Variants in FANCC observed in about 807,000 individuals in gnomAD.
FANCC encodes the protein FA complementation group C, also known as Fanconi anemia group C protein.
In FANCC, 55 loss-of-function variants were observed where a neutral mutation model predicts 71.3. The observed-to-expected ratio is 0.77, with a 90% CI of 0.62 to 0.97. FANCC has a LOEUF of 0.97. FANCC is among the 50% of genes least tolerant of loss of function. The pLI is 0.00. For synonymous variants in FANCC, 275 were observed against 244.9 expected, an observed-to-expected ratio of 1.12 and a Z score of -1.15; for missense variants, 678 against 670.9, an observed-to-expected ratio of 1.01 and a Z score of -0.12.
At chr9:95,168,736 C>T (rs751171761) in intron 6 of FANCC, among the ~76,000 whole-genome samples, 4 of 152,134 alleles carry the variant, frequency 2.6e-5, no homozygotes, top group African/African-American at 4.8e-5. Context: ...GACATGTTGG[C>T]CAGGCTCGTC....
At chr9:95,266,343 T>C (rs1433178441) in intron 1 of FANCC, among the ~76,000 whole-genome samples, 1 of 152,184 alleles carries the variant, frequency 6.6e-6, no homozygotes, top group Non-Finnish European at 1.5e-5. Context: ...ATGCAGTCAT[T>C]GAAACTCACT....
intron 1 of FANCC, among the ~76,000 whole-genome samples, chr9:95,303,073 C>T (rs1011907506): frequency 1.4e-4 from 21 of 152,122 alleles, no homozygotes; most frequent in African/African-American, 4.8e-4. Flanking sequence ...ATCTAGAATA[C>T]GGTTGTACAG....
intron 4 of FANCC, among the ~76,000 whole-genome samples, chr9:95,225,231 T>A (rs962372491): frequency 1.3e-5 from 2 of 152,160 alleles, no homozygotes; most frequent in Non-Finnish European, 2.9e-5. Flanking sequence ...CATCCACACA[T>A]CCTCACTAGT....
At chr9:95,174,541 A>T (rs147731192) in intron 4 of FANCC, among the ~76,000 whole-genome samples, 1,674 of 151,256 alleles carry the variant, frequency 0.011, 31 homozygotes, top group African/African-American at 0.036. Flanking sequence ...ATATATATAT[A>T]TTTTTTTTCT....
chr9:95,146,279 G>A (rs139108858), intron 7 of FANCC, among the ~76,000 whole-genome samples: 3 of 151,994 alleles, frequency 2.0e-5, no homozygotes, highest in Non-Finnish European at 4.4e-5. Context: ...TTGAGCCCAG[G>A]AGTTCAAGAC....
intron 10 of FANCC, among the ~76,000 whole-genome samples, chr9:95,124,731 C>T (rs1825705899): frequency 6.6e-6 from 1 of 152,190 alleles, no homozygotes. Context: ...CCCCAGGGTG[C>T]CTCCTGCTGA....
Position 95,101,614 on chromosome 9 carries a change from C to A in FANCC, c.*93G>T. The A allele has an allele frequency of 6.6e-7, 1 of 1,514,978 alleles. No individual in the cohort carries two copies. Among genetic ancestry groups the A allele is most frequent in the Admixed American group, 1.7e-5 (1 of 57,698 alleles). 93.8% of individuals were successfully genotyped at this position (1,514,978 alleles called of 1,614,324 possible). A position where few individuals can be genotyped will look rare whatever the true frequency, so the allele number is the denominator to read the frequency against. ...TCTCACAGCCCAGCGAGGGCACTTA[C>A]TCCACAAATGCGTGGCCACAGGTCA... On this transcript the variant is annotated 3_prime_UTR_variant, in exon 15 of 15. Transcript: ENST00000289081.
chr9:95,308,253 T>C (rs1835178374), intron 1 of FANCC, among the ~76,000 whole-genome samples: 1 of 148,490 alleles, frequency 6.7e-6, no homozygotes, highest in Admixed American at 6.7e-5. Context: ...TTTTTTTTTC[T>C]TTTTTTTTTG....
intron 4 of FANCC, among the ~76,000 whole-genome samples, chr9:95,206,112 A>G (rs914142047): frequency 2.0e-5 from 3 of 152,230 alleles, no homozygotes; most frequent in Non-Finnish European, 4.4e-5. Context: ...AAAGCATCAT[A>G]TGTAAAAAGG....
intron 1 of FANCC, among the ~76,000 whole-genome samples, chr9:95,301,803 C>T (rs1344945603): frequency 6.6e-6 from 1 of 151,478 alleles, no homozygotes; most frequent in Non-Finnish European, 1.5e-5. Flanking sequence ...AAAGGCCTGG[C>T]GCGGTGGCTC....
intron 6 of FANCC, among the ~76,000 whole-genome samples, chr9:95,152,808 C>T (rs1830256432): frequency 6.6e-6 from 1 of 151,316 alleles, no homozygotes; most frequent in Non-Finnish European, 1.5e-5. Flanking sequence ...CCTTCTGAGT[C>T]TCTGAAGTCC....
At chr9:95,246,806 CA>C (rs1564792042) in intron 3 of FANCC, among the ~76,000 whole-genome samples, 1 of 152,172 alleles carries the variant, frequency 6.6e-6, no homozygotes, top group Non-Finnish European at 1.5e-5. Flanking sequence ...ACCTGGCTAC[CA>C]CCATGAGGTA....
chr9:95,261,652 C>G (rs1039500083), intron 1 of FANCC, among the ~76,000 whole-genome samples: 1 of 152,198 alleles, frequency 6.6e-6, no homozygotes, highest in Admixed American at 6.5e-5. Context: ...TTCACCTTCT[C>G]CACGTATGCA....
intron 13 of FANCC, 83 bp downstream of exon 13, chr9:95,111,380 C>T (rs2134542687): frequency 6.3e-7 from 1 of 1,597,502 alleles, no homozygotes; most frequent in African/African-American, 1.3e-5. Flanking sequence ...GGAAGCCAAG[C>T]CCACAACAGA....
chr9:95,196,793 A>T (rs1827484084), intron 4 of FANCC, among the ~76,000 whole-genome samples: 1 of 152,126 alleles, frequency 6.6e-6, no homozygotes, highest in South Asian at 2.1e-4. Context: ...GTTCACCAGG[A>T]TGTGCTCAGT....
rs200622772 is a variant in FANCC, at chr9:95,155,730, C to CT, written c.522-5644dup. On this transcript the variant is annotated intron_variant, in intron 6 of 14. Coordinates refer to ENST00000289081, the MANE Select transcript of FANCC (RefSeq NM_000136.3). Reference sequence around the variant, plus strand: ...AAACAATCTTCTTTTCTCTTTCTTTCTTTTTGAGACAGGGTCTTGCTCTGT... The same window carrying CT: ...AAACAATCTTCTTTTCTCTTTCTTTCTTTTTTGAGACAGGGTCTTGCTCTGT... Among the ~76,000 whole-genome samples the CT allele has an allele frequency of 3.3e-3, 503 of 152,052 alleles. 9 individuals carry two copies. The East Asian group carries it at 0.043, about 13-fold the overall frequency.
chr9:95,159,044 T>A (rs181655245), intron 6 of FANCC, among the ~76,000 whole-genome samples: 65 of 152,254 alleles, frequency 4.3e-4, no homozygotes, highest in East Asian at 4.1e-3. Flanking sequence ...TTTTTTTTTT[T>A]AATTATACTT....
intron 7 of FANCC, among the ~76,000 whole-genome samples, chr9:95,140,967 G>T (rs1828563025): frequency 6.6e-6 from 1 of 152,020 alleles, no homozygotes; most frequent in Non-Finnish European, 1.5e-5. Flanking sequence ...TATTAGAAAA[G>T]TAAAGTTTTC....
chr9:95,163,148 A>G (rs1280310778), intron 6 of FANCC, among the ~76,000 whole-genome samples: 1 of 152,176 alleles, frequency 6.6e-6, no homozygotes, highest in Non-Finnish European at 1.5e-5. Flanking sequence ...TGTTTTCTCA[A>G]TGTGTATATC....
Sources: allele counts gnomAD v4.1 joint callset (sites outside exome capture counted in the v4.1 genomes callset), GRCh38; gene constraint gnomAD v4.1.1; transcripts MANE v1.5; gene names NCBI Gene and HGNC (gene_info 2026-07-23, HGNC 2026-07-21).